The following SNTG1 variants were observed in gnomAD, a reference collection of about 807,000 sequenced individuals.
SNTG1 encodes the protein syntrophin gamma 1, also known as gamma-1-syntrophin.
SNTG1 carries 39 observed loss-of-function variants against 74.7 expected under a neutral mutation model. The observed-to-expected ratio is 0.52, with a 90% CI of 0.40 to 0.68. SNTG1 has a LOEUF of 0.68. Among genes scored for constraint, SNTG1 ranks in the 30% least tolerant of loss-of-function variants. SNTG1 has a pLI of 0.00. For missense variants in SNTG1, 685 were observed against 609.5 expected (o/e 1.12, Z -1.30); for synonymous variants, 254 against 217.1 (o/e 1.17, Z -1.49).
intron 2 of SNTG1, among the ~76,000 whole-genome samples, chr8:50,254,867 A>AAG (rs1209453137): frequency 5.0e-5 from 7 of 141,324 alleles, no homozygotes; most frequent in Non-Finnish European, 1.1e-4. Context: ...AAAAAAAAAA[A>AAG]GAAAGAAAGA....
chr8:49,925,311 C>A (rs74342289), intron 1 of SNTG1, among the ~76,000 whole-genome samples: 1,931 of 152,272 alleles, frequency 0.013, 44 homozygotes, highest in African/African-American at 0.042. Flanking sequence ...CAACTTCCTT[C>A]ATGATAACAT....
intron 11 of SNTG1, among the ~76,000 whole-genome samples, chr8:50,541,745 T>G (rs995811002): frequency 1.3e-5 from 2 of 152,004 alleles, no homozygotes; most frequent in African/African-American, 4.8e-5. Context: ...CTAAGCTATT[T>G]AATACTAGGT....
At chr8:50,502,739 A>G (rs1444680171) in intron 8 of SNTG1, 39 bp from the exon 9 acceptor site, 1 of 1,512,126 alleles carries the variant, frequency 6.6e-7, no homozygotes, top group South Asian at 1.1e-5. Flanking sequence ...AACATGATAA[A>G]TGTAATGATG....
intron 13 of SNTG1, among the ~76,000 whole-genome samples, chr8:50,654,979 T>C (rs2131258545): frequency 6.6e-6 from 1 of 152,328 alleles, no homozygotes; most frequent in South Asian, 2.1e-4. Context: ...ATGTAGCTGA[T>C]TCTCTCATGT....
intron 15 of SNTG1, among the ~76,000 whole-genome samples, chr8:50,676,522 G>T (rs1053791153): frequency 6.6e-6 from 1 of 151,910 alleles, no homozygotes; most frequent in Non-Finnish European, 1.5e-5. Flanking sequence ...CTAGTTAACA[G>T]TTCCTCTAAC....
chr8:50,385,055 G>A (rs1008518930), intron 2 of SNTG1, among the ~76,000 whole-genome samples: 1 of 152,188 alleles, frequency 6.6e-6, no homozygotes, highest in African/African-American at 2.4e-5. Context: ...CAAATTCTGA[G>A]GACTTGTCCT....
At chr8:50,287,146 GCTTT>G in intron 2 of SNTG1, among the ~76,000 whole-genome samples, 1 of 151,932 alleles carries the variant, frequency 6.6e-6, no homozygotes, top group South Asian at 2.1e-4. Context: ...CCTTATCCTG[GCTTT>G]CTTTCTCTCC....
At position 50,628,365 on chromosome 8, in the gene SNTG1, C is replaced by A. The variant is rs138961733; in HGVS notation, c.850-28544C>A. Among the ~76,000 whole-genome samples the A allele has an allele frequency of 5.0e-3, 755 of 152,182 alleles. 6 individuals carry two copies. The highest frequency in any genetic ancestry group is 0.017 in the African/African-American group (705 of 41,538). ...GATGTGTTCATTTAATTGGTAGATGCAAATCATCTTATAGTTTGTGCATTT... is the reference window on the plus strand; with the variant it reads ...GATGTGTTCATTTAATTGGTAGATGAAAATCATCTTATAGTTTGTGCATTT... On this transcript the variant is annotated intron_variant, in intron 13 of 18. Coordinates refer to ENST00000642720, the MANE Select transcript of SNTG1 (RefSeq NM_018967.5).
chr8:50,653,046 A>G (rs2095157908), intron 13 of SNTG1, among the ~76,000 whole-genome samples: 1 of 151,834 alleles, frequency 6.6e-6, no homozygotes. Context: ...AATTTTCTGT[A>G]CTTTTATGTC....
chr8:49,924,425 A>G (rs1342837413), intron 1 of SNTG1, among the ~76,000 whole-genome samples: 1 of 152,196 alleles, frequency 6.6e-6, no homozygotes, highest in Non-Finnish European at 1.5e-5. Context: ...TGTTTGTACA[A>G]GTATTACTAT....
chr8:50,312,693 C>A (rs897810141), intron 2 of SNTG1, among the ~76,000 whole-genome samples: 11 of 149,894 alleles, frequency 7.3e-5, no homozygotes, highest in Admixed American at 2.0e-4. Flanking sequence ...TTCCACATGG[C>A]AAAATATGTT....
intron 8 of SNTG1, among the ~76,000 whole-genome samples, chr8:50,476,369 G>A (rs1235923524): frequency 6.6e-6 from 1 of 152,126 alleles, no homozygotes; most frequent in Non-Finnish European, 1.5e-5. Flanking sequence ...TATGCCCTTT[G>A]AATAACGGAG....
rs542422377 is a variant in SNTG1 at position 50,496,469 on chromosome 8, T to C, written c.364-6309T>C. On this transcript the variant is annotated intron_variant, in intron 8 of 18. Transcript: ENST00000642720. ...AGCTATGGGTATCCTTGGCTTTATATTGCAGAGCAGTGGCAGGTAGCTAAA... is the reference window on the plus strand; with the variant it reads ...AGCTATGGGTATCCTTGGCTTTATACTGCAGAGCAGTGGCAGGTAGCTAAA... Among the ~76,000 whole-genome samples the C allele has an allele frequency of 7.2e-5, 11 of 152,268 alleles. No homozygotes were observed. The South Asian group carries it at 2.1e-3, about 29-fold the overall frequency.
chr8:50,646,081 T>A (rs1206214107), intron 13 of SNTG1, among the ~76,000 whole-genome samples: 1 of 152,188 alleles, frequency 6.6e-6, no homozygotes, highest in Non-Finnish European at 1.5e-5. Context: ...AATAAAGTGG[T>A]CCAATATGTC....
intron 1 of SNTG1, among the ~76,000 whole-genome samples, chr8:50,085,331 A>G (rs1046538689): frequency 6.6e-6 from 1 of 152,190 alleles, no homozygotes; most frequent in Non-Finnish European, 1.5e-5. Context: ...AATTCACAAA[A>G]CTGACTTCCT....
At chr8:50,134,416 G>A (rs1164396743) in intron 1 of SNTG1, among the ~76,000 whole-genome samples, 1 of 152,038 alleles carries the variant, frequency 6.6e-6, no homozygotes, top group Non-Finnish European at 1.5e-5. Flanking sequence ...AAAAAGAGAG[G>A]GAATGTAATT....
At chr8:50,701,730 CTTTTTCT>C (rs1405640080) in intron 15 of SNTG1, among the ~76,000 whole-genome samples, 2 of 130,854 alleles carry the variant, frequency 1.5e-5, no homozygotes, top group Non-Finnish European at 3.2e-5. Flanking sequence ...TTTTCTTCTT[CTTTTTCT>C]TTTTCTTCTC....
chr8:50,511,106 G>A (rs1319902951), intron 9 of SNTG1, among the ~76,000 whole-genome samples: 1 of 152,116 alleles, frequency 6.6e-6, no homozygotes, highest in Non-Finnish European at 1.5e-5. Flanking sequence ...AAAGATTCTG[G>A]CATGTTGTGT....
At chr8:50,215,039 A>G (rs978862028) in intron 2 of SNTG1, among the ~76,000 whole-genome samples, 1 of 152,154 alleles carries the variant, frequency 6.6e-6, no homozygotes, top group Non-Finnish European at 1.5e-5. Flanking sequence ...AAAATGCTGT[A>G]GACTGAGTTT....
Sources: gnomAD v4.1 joint callset for allele counts (sites outside exome capture counted in the v4.1 genomes callset) on GRCh38, gnomAD v4.1.1 for gene constraint, MANE v1.5 for transcripts, NCBI Gene and HGNC (gene_info 2026-07-23, HGNC 2026-07-21) for gene names.